The following GRID2 variants were observed in gnomAD, a reference collection of about 807,000 sequenced individuals.
GRID2 encodes glutamate ionotropic receptor delta type subunit 2.
In GRID2, 33 loss-of-function variants were observed where a neutral mutation model predicts 114.8. The observed-to-expected ratio is 0.29, with a 90% CI of 0.22 to 0.38. The LOEUF is 0.38. GRID2 is among the 10% of genes least tolerant of loss of function. The probability of loss-of-function intolerance (pLI) is 1.00; values close to 1 mark genes in which losing one functional copy is unlikely to be tolerated. For missense variants in GRID2, 1,184 were observed against 1,257.7 expected, an observed-to-expected ratio of 0.94 and a Z score of 0.89; for synonymous variants, 505 against 449.9, an observed-to-expected ratio of 1.12 and a Z score of -1.55.
chr4:92,735,307 T>C (rs1482340327), intron 2 of GRID2, among the ~76,000 whole-genome samples: 1 of 152,100 alleles, frequency 6.6e-6, no homozygotes, highest in African/African-American at 2.4e-5. Flanking sequence ...TTCTTATACA[T>C]AGAAGCCTAA....
chr4:92,918,184 T>A (rs1748978836), intron 2 of GRID2, among the ~76,000 whole-genome samples: 1 of 152,002 alleles, frequency 6.6e-6, no homozygotes, highest in Non-Finnish European at 1.5e-5. Flanking sequence ...ATGATTGTTA[T>A]TTTTGCACAT....
At chr4:93,598,862 G>T (rs1410030830) in intron 13 of GRID2, among the ~76,000 whole-genome samples, 1 of 152,028 alleles carries the variant, frequency 6.6e-6, no homozygotes, top group South Asian at 2.1e-4. Context: ...AGCAAGAATT[G>T]TATAAAATGT....
chr4:93,496,116 A>T (rs1186103695), intron 12 of GRID2, among the ~76,000 whole-genome samples: 3 of 103,970 alleles, frequency 2.9e-5, no homozygotes, highest in Admixed American at 9.2e-5. Context: ...TTTTTTCCTG[A>T]TTGTAAAAAA....
intron 1 of GRID2, among the ~76,000 whole-genome samples, chr4:92,539,777 C>G (rs554594054): frequency 2.0e-5 from 3 of 151,768 alleles, no homozygotes; most frequent in East Asian, 1.9e-4. Flanking sequence ...TGTTTCTTTA[C>G]GTAAAAAGTG....
intron 1 of GRID2, among the ~76,000 whole-genome samples, chr4:92,319,580 C>A (rs1726197669): frequency 6.6e-6 from 1 of 152,158 alleles, no homozygotes. Flanking sequence ...CAGAATCTGC[C>A]TCTTGGAAAA....
chr4:93,002,641 G>A (rs1721117020), intron 2 of GRID2, among the ~76,000 whole-genome samples: 1 of 151,286 alleles, frequency 6.6e-6, no homozygotes, highest in South Asian at 2.1e-4. Flanking sequence ...TTTTCCCCCC[G>A]GTACTTGAAA....
chr4:92,494,176 A>G (rs766085507), intron 1 of GRID2, among the ~76,000 whole-genome samples: 2 of 152,068 alleles, frequency 1.3e-5, no homozygotes, highest in African/African-American at 2.4e-5. Context: ...ATAAAACTCT[A>G]TTATGTTGAT....
intron 1 of GRID2, among the ~76,000 whole-genome samples, chr4:92,473,018 A>G (rs1722118617): frequency 6.6e-6 from 1 of 152,014 alleles, no homozygotes; most frequent in Non-Finnish European, 1.5e-5. Flanking sequence ...TTATTTCTAG[A>G]CATTTCATAG....
intron 1 of GRID2, among the ~76,000 whole-genome samples, chr4:92,413,516 A>C (rs1441033106): frequency 6.6e-6 from 1 of 152,136 alleles, no homozygotes; most frequent in Non-Finnish European, 1.5e-5. Context: ...GAAAGATTAC[A>C]CATAAGGAGA....
At chr4:93,619,186 G>A (rs562443081) in intron 13 of GRID2, among the ~76,000 whole-genome samples, 1 of 152,212 alleles carries the variant, frequency 6.6e-6, no homozygotes, top group Admixed American at 6.5e-5. Context: ...AATTAAGGTA[G>A]CAGTAAACAA....
chr4:93,593,916 A>C (rs901963630), intron 13 of GRID2, among the ~76,000 whole-genome samples: 2 of 151,630 alleles, frequency 1.3e-5, no homozygotes, highest in Non-Finnish European at 2.9e-5. Flanking sequence ...CAGCTCCTTT[A>C]AGCACTTCTC....
At chr4:92,797,651 CTT>C (rs1040034830) in intron 2 of GRID2, among the ~76,000 whole-genome samples, 15 of 151,824 alleles carry the variant, frequency 9.9e-5, no homozygotes, top group South Asian at 8.3e-4. Flanking sequence ...AAAAAAGTAT[CTT>C]TATATTTTAT....
intron 1 of GRID2, among the ~76,000 whole-genome samples, chr4:92,587,462 G>A (rs1003111669): frequency 1.3e-5 from 2 of 151,950 alleles, no homozygotes; most frequent in Non-Finnish European, 2.9e-5. Context: ...TCCTTCCTGT[G>A]GAACTAATCA....
intron 2 of GRID2, among the ~76,000 whole-genome samples, chr4:92,889,995 G>C (rs1333208581): frequency 6.6e-6 from 1 of 152,032 alleles, no homozygotes; most frequent in Admixed American, 6.6e-5. Flanking sequence ...TGACAAACCT[G>C]ACAAAAATAG....
At chr4:92,873,506 C>G (rs1578360009) in intron 2 of GRID2, among the ~76,000 whole-genome samples, 2 of 151,960 alleles carry the variant, frequency 1.3e-5, no homozygotes, top group South Asian at 4.2e-4. Flanking sequence ...AGTATAAATT[C>G]TACATTCAAA....
chr4:92,960,632 T>C (rs930568432), intron 2 of GRID2, among the ~76,000 whole-genome samples: 1 of 152,054 alleles, frequency 6.6e-6, no homozygotes, highest in Non-Finnish European at 1.5e-5. Flanking sequence ...TATGTATTTA[T>C]ATTTAGGGTA....
At chr4:93,649,487 GAACT>G (rs1283571745) in intron 14 of GRID2, among the ~76,000 whole-genome samples, 10 of 152,202 alleles carry the variant, frequency 6.6e-5, no homozygotes, top group Middle Eastern at 3.4e-3. Context: ...GGGTGAAGAA[GAACT>G]TACTAAGAAA....
At chr4:93,424,045 CTTAAG>C (rs1453547538) in intron 10 of GRID2, among the ~76,000 whole-genome samples, 2 of 151,990 alleles carry the variant, frequency 1.3e-5, no homozygotes, top group African/African-American at 2.4e-5. Flanking sequence ...TACATTCTAT[CTTAAG>C]TTAATATTGT....
chr4:93,763,816 AT>A (rs1381179694), intron 14 of GRID2, among the ~76,000 whole-genome samples: 1 of 152,188 alleles, frequency 6.6e-6, no homozygotes, highest in Non-Finnish European at 1.5e-5. Flanking sequence ...AACCTTTCCC[AT>A]TCTAATTTCC....
Sources: allele counts gnomAD v4.1 joint callset (sites outside exome capture counted in the v4.1 genomes callset), GRCh38; gene constraint gnomAD v4.1.1; transcripts MANE v1.5; gene names NCBI Gene and HGNC (gene_info 2026-07-23, HGNC 2026-07-21).